Variants in ZFHX3 observed in about 807,000 individuals in gnomAD.
ZFHX3 encodes the protein zinc finger homeobox protein 3.
In ZFHX3, 42 loss-of-function variants were observed where a neutral mutation model predicts 279.1. The ratio of observed to expected loss-of-function variants is 0.15; its 90% CI spans 0.12 to 0.19. The LOEUF (loss-of-function observed/expected upper bound fraction) is 0.19, where lower values mean the gene tolerates loss of function less well. ZFHX3 is among the 10% of genes least tolerant of loss of function. The probability of loss-of-function intolerance (pLI) is 1.00; values close to 1 mark genes in which losing one functional copy is unlikely to be tolerated. For synonymous variants in ZFHX3, 2,293 were observed against 1,957.8 expected (o/e 1.17, Z -4.52); for missense variants, 4,981 against 4,754.0 (o/e 1.05, Z -1.40).
At chr16:73,542,667 A>T (rs1236701818) in intron 2 of ZFHX3, among the ~76,000 whole-genome samples, 1 of 152,248 alleles carries the variant, frequency 6.6e-6, no homozygotes, top group East Asian at 1.9e-4. Context: ...TGCCAGACTT[A>T]GCTAGTTAAA....
intron 1 of ZFHX3, among the ~76,000 whole-genome samples, chr16:72,974,099 G>T (rs1377056791): frequency 1.3e-5 from 2 of 152,214 alleles, no homozygotes; most frequent in Non-Finnish European, 2.9e-5. Context: ...AAACCCAAGA[G>T]AAATGAACTT....
At chr16:73,626,177 A>T (rs2052414813) in intron 2 of ZFHX3, among the ~76,000 whole-genome samples, 4 of 152,164 alleles carry the variant, frequency 2.6e-5, no homozygotes, top group African/African-American at 7.2e-5. Context: ...CTTAAAGGAT[A>T]TTAACATAGG....
At chr16:72,895,199 G>A (rs547527643) in intron 3 of ZFHX3, among the ~76,000 whole-genome samples, 110 of 152,304 alleles carry the variant, frequency 7.2e-4, no homozygotes, top group African/African-American at 2.5e-3. Flanking sequence ...AGGTGATGCA[G>A]GCAGTGTCAG....
intron 2 of ZFHX3, among the ~76,000 whole-genome samples, chr16:73,496,215 G>A (rs1302411947): frequency 1.3e-5 from 2 of 152,228 alleles, no homozygotes; most frequent in Non-Finnish European, 2.9e-5. Flanking sequence ...CGCACCCAAT[G>A]CTTGGCCTTT....
At chr16:73,339,303 T>C (rs1404017101) in intron 3 of ZFHX3, among the ~76,000 whole-genome samples, 1 of 152,222 alleles carries the variant, frequency 6.6e-6, no homozygotes, top group Non-Finnish European at 1.5e-5. Context: ...TGTTTGTGCC[T>C]ATCTCTCTTC....
intron 3 of ZFHX3, among the ~76,000 whole-genome samples, chr16:73,454,441 C>T (rs773562957): frequency 2.6e-5 from 4 of 152,078 alleles, no homozygotes; most frequent in African/African-American, 7.2e-5. Context: ...GGAGTTCATT[C>T]GTGTTCTTTG....
intron 2 of ZFHX3, among the ~76,000 whole-genome samples, chr16:73,572,168 T>TAA (rs36024411): frequency 0.031 from 4,315 of 140,052 alleles, 71 homozygotes; most frequent in East Asian, 0.065. Flanking sequence ...TAAATATTCT[T>TAA]AAAAAAAAAA....
chr16:72,942,164 T>C (rs1960439773), intron 3 of ZFHX3, among the ~76,000 whole-genome samples: 1 of 152,228 alleles, frequency 6.6e-6, no homozygotes, highest in Non-Finnish European at 1.5e-5. Flanking sequence ...AATCTGCCCT[T>C]TGAGTCCAAG....
chr16:73,216,353 T>C (rs938407840), intron 5 of ZFHX3, among the ~76,000 whole-genome samples: 9 of 152,200 alleles, frequency 5.9e-5, no homozygotes, highest in African/African-American at 2.2e-4. Flanking sequence ...AGTTTAAGCA[T>C]CAGTTTCTCT....
intron 2 of ZFHX3, among the ~76,000 whole-genome samples, chr16:73,631,961 A>ACACACAC (rs2052476515): frequency 7.4e-6 from 1 of 134,558 alleles, no homozygotes; most frequent in Admixed American, 7.7e-5. Context: ...ACACACACAC[A>ACACACAC]AAGTTTTGCA....
chr16:73,642,093 G>A (rs2052578482), intron 2 of ZFHX3, among the ~76,000 whole-genome samples: 1 of 152,114 alleles, frequency 6.6e-6, no homozygotes, highest in Non-Finnish European at 1.5e-5. Flanking sequence ...GGTGGTCCGT[G>A]GCCTCGAGGA....
intron 7 of ZFHX3, among the ~76,000 whole-genome samples, chr16:73,098,162 G>T (rs1966188843): frequency 6.6e-6 from 1 of 151,160 alleles, no homozygotes; most frequent in African/African-American, 2.4e-5. Context: ...CTGTCTCCTG[G>T]GTTCAAGCGA....
Position 72,940,862 on chromosome 16 carries a change from G to A in ZFHX3, c.3216+9607C>T, listed in dbSNP as rs144977712. On this transcript the variant is annotated intron_variant, in intron 3 of 9. Coordinates refer to ENST00000268489, the MANE Select transcript of ZFHX3 (RefSeq NM_006885.4). Reference sequence around the variant, plus strand: ...AACTAGTTTGCCTTTTACAGAACCAGGAGGGGGACCCTAGAGAACATCTCC... The same window carrying A: ...AACTAGTTTGCCTTTTACAGAACCAAGAGGGGGACCCTAGAGAACATCTCC... Among the ~76,000 whole-genome samples the A allele has an allele frequency of 4.1e-3, 628 of 152,352 alleles. 6 individuals are homozygous for A. Among genetic ancestry groups the A allele is most frequent in the African/African-American group, 0.014 (570 of 41,588 alleles).
intron 4 of ZFHX3, among the ~76,000 whole-genome samples, chr16:72,857,527 A>C (rs1190211739): frequency 6.6e-6 from 1 of 152,226 alleles, no homozygotes; most frequent in African/African-American, 2.4e-5. Flanking sequence ...TCTACAAAAA[A>C]TAAAAGTATT....
At chr16:73,156,526 T>C (rs1327037033) in intron 5 of ZFHX3, among the ~76,000 whole-genome samples, 3 of 152,192 alleles carry the variant, frequency 2.0e-5, no homozygotes, top group African/African-American at 7.2e-5. Flanking sequence ...CCTTCGCTCC[T>C]GGTCTTGCTT....
chr16:73,615,868 A>G (rs1470557056), intron 2 of ZFHX3, among the ~76,000 whole-genome samples: 3 of 152,234 alleles, frequency 2.0e-5, no homozygotes, highest in Middle Eastern at 3.2e-3. Context: ...CTACAGTTTT[A>G]TAATTTCAAC....
chr16:73,084,514 ATTTTT>A (rs34134596), intron 8 of ZFHX3, among the ~76,000 whole-genome samples: 1 of 92,660 alleles, frequency 1.1e-5, no homozygotes. Context: ...CTAGGACTAA[ATTTTT>A]TTTTTTTTTT....
chr16:73,142,043 A>G (rs531118186), intron 6 of ZFHX3, among the ~76,000 whole-genome samples: 8 of 152,344 alleles, frequency 5.3e-5, no homozygotes, highest in East Asian at 1.9e-4. Context: ...TGGGCTGCAC[A>G]TCATCACCCT....
chr16:73,211,507 T>C (rs2012015600), intron 5 of ZFHX3, among the ~76,000 whole-genome samples: 1 of 151,968 alleles, frequency 6.6e-6, no homozygotes, highest in Non-Finnish European at 1.5e-5. Flanking sequence ...GAAGTAAAAA[T>C]ACAAAGCACG....
Sources: gnomAD v4.1 joint callset for allele counts (sites outside exome capture counted in the v4.1 genomes callset) on GRCh38, gnomAD v4.1.1 for gene constraint, MANE v1.5 for transcripts, NCBI Gene and HGNC (gene_info 2026-07-23, HGNC 2026-07-21) for gene names.